ZBBX: variants seen among roughly 807,000 people sequenced by gnomAD.
ZBBX encodes the protein zinc finger B-box domain-containing protein 1.
In ZBBX, 101 loss-of-function variants were observed where a neutral mutation model predicts 108.5. The observed-to-expected ratio is 0.93, with a 90% CI of 0.79 to 1.10. The LOEUF is 1.10. ZBBX is among the 50% of genes least tolerant of loss of function. The pLI, the probability that ZBBX is intolerant of heterozygous loss-of-function variation, is 0.00. For synonymous variants in ZBBX, 356 were observed against 323.4 expected, an observed-to-expected ratio of 1.10 and a Z score of -1.08; for missense variants, 1,009 against 941.4, an observed-to-expected ratio of 1.07 and a Z score of -0.94.
intron 11 of ZBBX, among the ~76,000 whole-genome samples, chr3:167,324,511 C>T (rs775504182): frequency 9.9e-5 from 15 of 152,086 alleles, no homozygotes; most frequent in Non-Finnish European, 1.5e-4. Flanking sequence ...TGGCTGAAGC[C>T]GGCTCTCTGC....
intron 8 of ZBBX, among the ~76,000 whole-genome samples, chr3:167,359,573 G>A (rs1744173080): frequency 6.6e-6 from 1 of 152,010 alleles, no homozygotes; most frequent in Admixed American, 6.6e-5. Context: ...GGTTTTGGAT[G>A]GGATATACTG....
upstream of ZBBX, among the ~76,000 whole-genome samples, chr3:167,384,223 G>A (rs1747834515): frequency 6.6e-6 from 1 of 152,046 alleles, no homozygotes; most frequent in South Asian, 2.1e-4. Context: ...TTAAAATATG[G>A]TTATATTAGT....
chr3:167,282,552 TAA>T, intron 19 of ZBBX, 57 bp from the exon 20 acceptor site: 1 of 1,432,388 alleles, frequency 7.0e-7, no homozygotes, highest in Non-Finnish European at 9.6e-7. Context: ...AATGAGTACT[TAA>T]AGATACAAAA....
the ZBBX span, among the ~76,000 whole-genome samples, chr3:167,205,505 A>G: frequency 6.6e-6 from 1 of 152,310 alleles, no homozygotes; most frequent in African/African-American, 2.4e-5. Context: ...TGGGATAATT[A>G]TGTACTACTG....
At chr3:167,403,919 A>C (rs1466244348) in intron 1 of ZBBX, among the ~76,000 whole-genome samples, 1 of 152,144 alleles carries the variant, frequency 6.6e-6, no homozygotes, top group African/African-American at 2.4e-5. Context: ...ACAAAAAATT[A>C]AAAATATAAA....
intron 20 of ZBBX, among the ~76,000 whole-genome samples, chr3:167,263,413 G>C (rs558419190): frequency 1.3e-5 from 2 of 152,122 alleles, no homozygotes; most frequent in South Asian, 4.2e-4. Flanking sequence ...ATAGGTTTTG[G>C]TATATGGTAT....
intron 20 of ZBBX, among the ~76,000 whole-genome samples, chr3:167,252,423 G>A (rs551551668): frequency 3.9e-5 from 6 of 152,110 alleles, no homozygotes; most frequent in Non-Finnish European, 8.8e-5. Context: ...GGGTAAAAAG[G>A]CCTTGTGCAG....
chr3:167,350,544 C>T (rs1192701257), intron 8 of ZBBX, 29 bp from the exon 9 acceptor site: 2 of 1,464,978 alleles, frequency 1.4e-6, no homozygotes, highest in African/African-American at 1.4e-5. Context: ...AAAAATTATA[C>T]AATCTTATAA....
intron 18 of ZBBX, among the ~76,000 whole-genome samples, chr3:167,296,845 T>C (rs1008619604): frequency 1.3e-5 from 2 of 151,958 alleles, no homozygotes; most frequent in Non-Finnish European, 2.9e-5. Context: ...AAAAGCTCAA[T>C]GACATTTTTC....
At chr3:167,278,221 C>T (rs1310688730) in intron 20 of ZBBX, among the ~76,000 whole-genome samples, 4 of 140,882 alleles carry the variant, frequency 2.8e-5, no homozygotes, top group Non-Finnish European at 4.6e-5. Flanking sequence ...CATTCAAAAG[C>T]TAGCAGAAGG....
upstream of ZBBX, among the ~76,000 whole-genome samples, chr3:167,385,234 A>C (rs1047064055): frequency 6.6e-6 from 1 of 152,014 alleles, no homozygotes; most frequent in African/African-American, 2.4e-5. Context: ...CTAGACTATA[A>C]GCCCTTATAG....
intron 20 of ZBBX, among the ~76,000 whole-genome samples, chr3:167,260,010 C>A (rs1358684144): frequency 6.6e-6 from 1 of 152,052 alleles, no homozygotes; most frequent in Non-Finnish European, 1.5e-5. Flanking sequence ...TTTAGCAGTT[C>A]TTATAGTGGT....
At chr3:167,212,373 G>T in the ZBBX span, among the ~76,000 whole-genome samples, 5 of 152,140 alleles carry the variant, frequency 3.3e-5, no homozygotes, top group African/African-American at 1.2e-4. Flanking sequence ...CACCTCCCTG[G>T]ACAAAGACTG....
intron 6 of ZBBX, among the ~76,000 whole-genome samples, chr3:167,361,444 G>T (rs982020148): frequency 2.6e-5 from 4 of 152,086 alleles, no homozygotes; most frequent in Non-Finnish European, 5.9e-5. Flanking sequence ...CATTTATATA[G>T]ATACTGTCAA....
intron 1 of ZBBX, among the ~76,000 whole-genome samples, chr3:167,392,000 A>G (rs1271140833): frequency 2.0e-5 from 3 of 151,700 alleles, no homozygotes; most frequent in Non-Finnish European, 4.4e-5. Flanking sequence ...ATATTTATCT[A>G]TACATAAAAT....
chr3:167,323,242 G>GT (rs922820030), intron 11 of ZBBX, among the ~76,000 whole-genome samples: 4 of 148,908 alleles, frequency 2.7e-5, no homozygotes, highest in Non-Finnish European at 6.0e-5. Flanking sequence ...TAAAAGAGGG[G>GT]GGGGGGGGAA....
chr3:167,373,279 AT>A (rs1746442227), intron 3 of ZBBX, among the ~76,000 whole-genome samples: 3 of 152,116 alleles, frequency 2.0e-5, no homozygotes, highest in Admixed American at 2.0e-4. Flanking sequence ...ATACTATGCC[AT>A]TTTATATAAG....
chr3:167,364,643 T>A (rs1193932851), intron 6 of ZBBX, among the ~76,000 whole-genome samples: 2 of 151,982 alleles, frequency 1.3e-5, no homozygotes, highest in African/African-American at 2.4e-5. Context: ...CTTAATGAGA[T>A]AAGAAAGGAA....
intron 2 of ZBBX, among the ~76,000 whole-genome samples, chr3:167,378,554 A>C (rs1231421227): frequency 6.6e-6 from 1 of 152,146 alleles, no homozygotes; most frequent in African/African-American, 2.4e-5. Flanking sequence ...TTTGCAGGAT[A>C]TTAAACAAAA....
Sources: gnomAD v4.1 joint callset for allele counts (sites outside exome capture counted in the v4.1 genomes callset) on GRCh38, gnomAD v4.1.1 for gene constraint, MANE v1.5 for transcripts, NCBI Gene and HGNC (gene_info 2026-07-23, HGNC 2026-07-21) for gene names.